C10orf90: variants seen among roughly 807,000 people sequenced by gnomAD.
The protein encoded by C10orf90 is chromosome 10 open reading frame 90, also known as (E2-independent) E3 ubiquitin-conjugating enzyme FATS.
Under a neutral mutation model 62.5 loss-of-function variants are expected in C10orf90, and 56 were observed. The observed-to-expected ratio is 0.90, with a 90% CI of 0.72 to 1.12. The LOEUF is 1.12. C10orf90 is among the 50% of genes most tolerant of loss of function. The pLI is 0.00. For synonymous variants in C10orf90, 386 were observed against 340.4 expected (o/e 1.13, Z -1.47); for missense variants, 970 against 880.4 (o/e 1.10, Z -1.29).
intron 4 of C10orf90, among the ~76,000 whole-genome samples, chr10:126,502,003 CCA>C (rs959327463): frequency 2.1e-4 from 31 of 146,892 alleles, no homozygotes; most frequent in African/African-American, 3.5e-4. Flanking sequence ...TACACACACA[CCA>C]CACACACACA....
intron 2 of C10orf90, among the ~76,000 whole-genome samples, chr10:126,521,636 G>C (rs1341092371): frequency 6.6e-6 from 1 of 152,138 alleles, no homozygotes; most frequent in Non-Finnish European, 1.5e-5. Flanking sequence ...GTTTGCATGA[G>C]AGTTATTTAA....
intron 2 of C10orf90, among the ~76,000 whole-genome samples, chr10:126,572,794 A>G (rs1844533349): frequency 6.6e-6 from 1 of 151,946 alleles, no homozygotes; most frequent in East Asian, 2.0e-4. Context: ...TGGAGTTGCT[A>G]TGGTTCACAT....
chr10:126,449,992 CA>C (rs113405837), intron 7 of C10orf90, among the ~76,000 whole-genome samples: 40,040 of 105,226 alleles, frequency 0.38, 5,252 homozygotes, highest in South Asian at 0.47. Flanking sequence ...GACGCCATCT[CA>C]AAAAAAAAAA....
chr10:126,521,290 A>T, intron 2 of C10orf90: 1 of 1,614,030 alleles, frequency 6.2e-7, no homozygotes, highest in Non-Finnish European at 8.5e-7. Context: ...GAAAAAAATT[A>T]GAACATACCT....
intron 2 of C10orf90, among the ~76,000 whole-genome samples, chr10:126,586,481 G>T (rs1034133945): frequency 6.6e-6 from 1 of 152,184 alleles, no homozygotes; most frequent in Non-Finnish European, 1.5e-5. Flanking sequence ...TCCATTCAAG[G>T]TTCATGTGGC....
intron 4 of C10orf90, among the ~76,000 whole-genome samples, chr10:126,494,999 G>A (rs189871235): frequency 6.6e-6 from 1 of 152,290 alleles, no homozygotes; most frequent in East Asian, 1.9e-4. Flanking sequence ...AAACTATGTT[G>A]TCAAAGTAGT....
At chr10:126,593,915 T>G (rs143357215) in intron 2 of C10orf90, among the ~76,000 whole-genome samples, 1 of 151,810 alleles carries the variant, frequency 6.6e-6, no homozygotes, top group Non-Finnish European at 1.5e-5. Flanking sequence ...TAATCCTGCA[T>G]GGAGGGGCAG....
chr10:126,459,499 G>A (rs890044699), intron 6 of C10orf90, among the ~76,000 whole-genome samples: 1 of 152,178 alleles, frequency 6.6e-6, no homozygotes, highest in African/African-American at 2.4e-5. Flanking sequence ...CAGAGGCAAC[G>A]TCTGCCCATT....
intron 2 of C10orf90, among the ~76,000 whole-genome samples, chr10:126,525,967 ATGGG>A (rs1863929297): frequency 1.3e-5 from 2 of 151,618 alleles, no homozygotes; most frequent in Admixed American, 1.3e-4. Context: ...GTCCTCTTAA[ATGGG>A]TAGGCACATA....
chr10:126,438,170 C>T (rs1858043780), intron 7 of C10orf90, among the ~76,000 whole-genome samples: 1 of 152,182 alleles, frequency 6.6e-6, no homozygotes, highest in African/African-American at 2.4e-5. Context: ...AAGCTAGCCA[C>T]AGATGGAAGC....
At chr10:126,559,867 A>C (rs1159611123) in intron 2 of C10orf90, among the ~76,000 whole-genome samples, 1 of 152,236 alleles carries the variant, frequency 6.6e-6, no homozygotes, top group Non-Finnish European at 1.5e-5. Context: ...AGTCATGCTC[A>C]AAATACTTGC....
intron 1 of C10orf90, among the ~76,000 whole-genome samples, chr10:126,658,485 G>A (rs373082238): frequency 1.2e-4 from 18 of 152,270 alleles, no homozygotes; most frequent in African/African-American, 1.7e-4. Flanking sequence ...ACATATATGC[G>A]TCTATAAGCT....
chr10:126,426,081 A>G lies in C10orf90; in HGVS notation c.2262T>C (p.Asp754=), dbSNP rs764430485. 1.9e-5 allele frequency: 30 copies of G among 1,613,578 alleles called. No homozygotes were observed. The Admixed American group carries it at 4.8e-4, about 26-fold the overall frequency. The change falls in exon 9 of 10, where the codon GAT becomes GAC. Residue 754 remains aspartate (D), a synonymous_variant. Coordinates refer to ENST00000488181, the MANE Select transcript of C10orf90 (RefSeq NM_001350921.2). ...EMHMRSKRIY[D]NLPEVKKKKE... is the part of the protein sequence containing the mutation. ...TTTTCTTTTTAACTTCCGGCAAGTT[A>G]TCATAGATTCTGAAACAGATTCGGA... is the stretch of plus-strand genomic sequence containing the variant.
chr10:126,617,385 C>G (rs1005905346), intron 2 of C10orf90, among the ~76,000 whole-genome samples: 8 of 152,174 alleles, frequency 5.3e-5, no homozygotes, highest in Admixed American at 1.3e-4. Context: ...TGTCCCACAG[C>G]AAGATGACAC....
In C10orf90 at chr10:126,513,857, G is replaced by A. The variant is rs746132626; in HGVS notation, c.396C>T (p.Asp132=). 35 of 1,604,498 alleles carry A rather than the reference G, an allele frequency of 2.2e-5. No individual in the cohort carries two copies. The highest frequency in any genetic ancestry group is 1.6e-4 in the Middle Eastern group (1 of 6,072). The change falls in exon 3 of 10, where the codon GAC becomes GAT. Residue 132 remains aspartate (D), a synonymous_variant. Transcript: ENST00000488181. ...LQSDVTEAKS[D]FTKETLASQN... Reference sequence around the variant, plus strand: ...TAGAAATGTATGTTACCTTGGTGAAGTCAGATTTTGCCTCTGTGACATCAG... The same window carrying A: ...TAGAAATGTATGTTACCTTGGTGAAATCAGATTTTGCCTCTGTGACATCAG...
rs112714557 is a variant in C10orf90 at position 126,553,170 on chromosome 10, A to C, written c.314-39231T>G. Among the ~76,000 whole-genome samples, 261 of 152,330 alleles carry C rather than the reference A, an allele frequency of 1.7e-3. 3 individuals are homozygous for C. The highest frequency in any genetic ancestry group is 6.1e-3 in the African/African-American group (252 of 41,578). On this transcript the variant is annotated intron_variant, in intron 2 of 9. Coordinates refer to ENST00000488181, the MANE Select transcript of C10orf90 (RefSeq NM_001350921.2). ...AGAGAAAAAAGGATAAATAATACTTAAGAAAAATCAAGAACTTATATTCAT... is the reference window on the plus strand; with the variant it reads ...AGAGAAAAAAGGATAAATAATACTTCAGAAAAATCAAGAACTTATATTCAT...
intron 2 of C10orf90, among the ~76,000 whole-genome samples, chr10:126,575,107 G>A (rs979949776): frequency 2.0e-5 from 3 of 151,888 alleles, no homozygotes; most frequent in South Asian, 4.1e-4. Context: ...AAAACCCAAG[G>A]GAACCTAAAA....
chr10:126,531,029 C>G (rs1864079225), intron 2 of C10orf90, among the ~76,000 whole-genome samples: 1 of 151,808 alleles, frequency 6.6e-6, no homozygotes, highest in African/African-American at 2.4e-5. Context: ...CAAAAATTAG[C>G]CGGGTGTGGT....
At position 126,429,870 on chromosome 10, in the gene C10orf90, AATT is replaced by A; in HGVS notation, c.2189-23_2189-21del. The stretch of plus-strand genomic sequence containing the variant: ...AGTTATCTGGAAAAAATAGAAAGAG[AATT>A]AAGTTCAGAAGGCATAGAATCTCAC... On this transcript the variant is annotated intron_variant, in intron 7 of 9. Coordinates refer to ENST00000488181, the MANE Select transcript of C10orf90 (RefSeq NM_001350921.2). The A allele has an allele frequency of 6.2e-7, 1 of 1,601,944 alleles. No individual in the cohort carries two copies. The highest frequency in any genetic ancestry group is 8.6e-7 in the Non-Finnish European group (1 of 1,168,866).
Sources: allele counts gnomAD v4.1 joint callset (sites outside exome capture counted in the v4.1 genomes callset), GRCh38; gene constraint gnomAD v4.1.1; transcripts MANE v1.5; gene names NCBI Gene and HGNC (gene_info 2026-07-23, HGNC 2026-07-21).